Variants in CCSER1 observed in about 807,000 individuals in gnomAD.
CCSER1 encodes serine-rich coiled-coil domain-containing protein 1.
Under a neutral mutation model 82.0 loss-of-function variants are expected in CCSER1, and 41 were observed. That is an observed-to-expected ratio of 0.50 (90% confidence interval 0.39 to 0.65). The LOEUF (loss-of-function observed/expected upper bound fraction) is 0.65. CCSER1 is among the 30% of genes least tolerant of loss of function. CCSER1 has a pLI of 0.00. For synonymous variants in CCSER1, 414 were observed against 383.9 expected (o/e 1.08, Z -0.92); for missense variants, 1,119 against 1,064.2 (o/e 1.05, Z -0.72).
At chr4:90,191,930 T>C (rs1735702534) in intron 1 of CCSER1, among the ~76,000 whole-genome samples, 1 of 152,092 alleles carries the variant, frequency 6.6e-6, no homozygotes, top group South Asian at 2.1e-4. Flanking sequence ...AGTTAGCTTA[T>C]GTAAAATTGC....
chr4:90,559,679 C>T (rs998093593), intron 5 of CCSER1, among the ~76,000 whole-genome samples: 9 of 151,590 alleles, frequency 5.9e-5, no homozygotes, highest in African/African-American at 1.9e-4. Context: ...AAGAAATAGC[C>T]GGCCATTGTA....
chr4:90,993,779 G>A (rs745449303), intron 9 of CCSER1, among the ~76,000 whole-genome samples: 1 of 151,876 alleles, frequency 6.6e-6, no homozygotes, highest in Non-Finnish European at 1.5e-5. Context: ...TTACTTCCTA[G>A]AAGTACCCCT....
chr4:91,059,475 A>AT (rs1743775888), intron 9 of CCSER1, among the ~76,000 whole-genome samples: 1 of 147,852 alleles, frequency 6.8e-6, no homozygotes, highest in East Asian at 2.0e-4. Context: ...ATATATATAT[A>AT]AGTCTCCAAA....
chr4:90,824,356 C>T (rs1272879001), intron 8 of CCSER1, among the ~76,000 whole-genome samples: 2 of 151,696 alleles, frequency 1.3e-5, no homozygotes, highest in Admixed American at 1.3e-4. Flanking sequence ...TGAATAAAGG[C>T]ACTTGTAGAA....
At chr4:91,053,957 C>A (rs1490136042) in intron 9 of CCSER1, among the ~76,000 whole-genome samples, 1 of 152,210 alleles carries the variant, frequency 6.6e-6, no homozygotes, top group East Asian at 1.9e-4. Flanking sequence ...ACATGTGGAT[C>A]AGTCCTTTGC....
intron 10 of CCSER1, among the ~76,000 whole-genome samples, chr4:91,375,489 G>A (rs1254233623): frequency 6.6e-6 from 1 of 150,992 alleles, no homozygotes; most frequent in Admixed American, 6.6e-5. Flanking sequence ...GAAAGGAAGT[G>A]TCAACTGATG....
At chr4:90,846,549 C>T (rs976094495) in intron 8 of CCSER1, among the ~76,000 whole-genome samples, 4 of 152,118 alleles carry the variant, frequency 2.6e-5, no homozygotes, top group African/African-American at 9.7e-5. Context: ...TTGCCTCAAA[C>T]ATTTATTATT....
chr4:90,651,359 TA>T (rs1354408981), intron 6 of CCSER1, among the ~76,000 whole-genome samples: 15 of 152,070 alleles, frequency 9.9e-5, no homozygotes, highest in African/African-American at 3.4e-4. Flanking sequence ...TATGCAGCCA[TA>T]AAAAAGGGTA....
At chr4:90,252,079 T>G (rs1722501577) in intron 1 of CCSER1, among the ~76,000 whole-genome samples, 1 of 151,916 alleles carries the variant, frequency 6.6e-6, no homozygotes, top group African/African-American at 2.4e-5. Context: ...TAAATACAGG[T>G]TGAGTATCCC....
chr4:90,410,488 C>T (rs75080171), intron 4 of CCSER1, among the ~76,000 whole-genome samples: 7 of 152,086 alleles, frequency 4.6e-5, no homozygotes, highest in Non-Finnish European at 8.8e-5. Flanking sequence ...CACTCAAAAC[C>T]GCTCAAGTAC....
Position 91,561,471 on chromosome 4 carries a change from C to G in CCSER1, c.2218-37101C>G, listed in dbSNP as rs77739757. 6.2e-3 allele frequency among the ~76,000 whole-genome samples: 946 copies of G among 151,546 alleles called. 11 individuals are homozygous for G. Among genetic ancestry groups the G allele is most frequent in the Non-Finnish European group, 8.2e-3 (556 of 67,566 alleles). On this transcript the variant is annotated intron_variant, in intron 10 of 10. Transcript: ENST00000509176. ...ACTTCCTTTGAGAGGATTTTTCTCA[C>G]TAGTCAGTGAGATTATCCCCTGATC...
At chr4:91,173,793 A>T (rs1003778503) in intron 10 of CCSER1, among the ~76,000 whole-genome samples, 1 of 152,076 alleles carries the variant, frequency 6.6e-6, no homozygotes, top group Non-Finnish European at 1.5e-5. Flanking sequence ...TTCTTCACTA[A>T]AAAAGGATGA....
chr4:91,403,308 G>A (rs1789796), intron 10 of CCSER1, among the ~76,000 whole-genome samples: 1 of 152,044 alleles, frequency 6.6e-6, no homozygotes. Flanking sequence ...GAGATGATGG[G>A]GTTTTCTAAA....
rs968216569 is a variant in CCSER1 at position 90,986,404 on chromosome 4, C to T, written c.2172+62957C>T. Among the ~76,000 whole-genome samples the T allele has an allele frequency of 5.3e-5, 8 of 151,648 alleles. No individual in the cohort carries two copies. In the East Asian group the frequency reaches 1.6e-3, roughly 29 times the overall value. The stretch of plus-strand genomic sequence containing the variant: ...TGAGGTAGTCTGAAAGTTTGAATGT[C>T]CTCAATTTTATAAATGAATTTAAAA... On this transcript the variant is annotated intron_variant, in intron 9 of 10. Transcript: ENST00000509176.
intron 9 of CCSER1, among the ~76,000 whole-genome samples, chr4:91,011,204 G>T (rs560290158): frequency 2.2e-5 from 3 of 134,614 alleles, no homozygotes; most frequent in Admixed American, 7.4e-5. Context: ...GATGACTGTG[G>T]GTGCCTCTGT....
chr4:91,603,925 T>A lies in CCSER1; in HGVS notation c.*4868T>A, dbSNP rs1288873671. 1 of 151,992 alleles carries A rather than the reference T, an allele frequency of 6.6e-6. No homozygotes were observed. 9.4% of individuals were successfully genotyped at this position (151,992 alleles called of 1,614,324 possible). ...TTTCATCATGGGGGCCCCACCCTCATAATCTCATCTAAACCTAATTACTTC... is the reference window on the plus strand; with the variant it reads ...TTTCATCATGGGGGCCCCACCCTCAAAATCTCATCTAAACCTAATTACTTC... On this transcript the variant is annotated 3_prime_UTR_variant, in exon 11 of 11. Transcript: ENST00000509176.
chr4:91,139,315 T>C (rs571428919), intron 10 of CCSER1, among the ~76,000 whole-genome samples: 6 of 152,104 alleles, frequency 3.9e-5, no homozygotes, highest in African/African-American at 1.4e-4. Context: ...ACTAGATTGG[T>C]TCCCTATCTT....
chr4:90,855,619 C>T (rs1441024082), intron 8 of CCSER1, among the ~76,000 whole-genome samples: 2 of 151,996 alleles, frequency 1.3e-5, no homozygotes, highest in Admixed American at 6.6e-5. Flanking sequence ...ATTATTTTTT[C>T]ACCAGCCTTT....
At chr4:91,529,498 C>G (rs1001308150) in intron 10 of CCSER1, among the ~76,000 whole-genome samples, 4 of 152,054 alleles carry the variant, frequency 2.6e-5, no homozygotes, top group Admixed American at 6.6e-5. Context: ...TATGACTTAT[C>G]AAATTTTCCT....
Sources: allele counts gnomAD v4.1 joint callset (sites outside exome capture counted in the v4.1 genomes callset), GRCh38; gene constraint gnomAD v4.1.1; transcripts MANE v1.5; gene names NCBI Gene and HGNC (gene_info 2026-07-23, HGNC 2026-07-21).